Variants in EPM2A observed in about 807,000 individuals in gnomAD.
EPM2A encodes the protein laforin.
EPM2A carries 21 observed loss-of-function variants against 26.5 expected under a neutral mutation model. That is an observed-to-expected ratio of 0.79 (90% confidence interval 0.56 to 1.14). The LOEUF is 1.14. EPM2A is among the 50% of genes most tolerant of loss of function. EPM2A has a pLI of 0.00. For missense variants in EPM2A, 458 were observed against 440.8 expected (o/e 1.04, Z -0.35); for synonymous variants, 217 against 177.6 (o/e 1.22, Z -1.76).
chr6:145,518,593 A>G (rs759606993), intron 2 of EPM2A, among the ~76,000 whole-genome samples: 45 of 98,132 alleles, frequency 4.6e-4, no homozygotes, highest in Non-Finnish European at 7.8e-4. Flanking sequence ...TGTGAAATGC[A>G]CCAAAAAAAA....
chr6:145,402,027 A>G (rs185201165), intron 4 of EPM2A, among the ~76,000 whole-genome samples: 51 of 152,272 alleles, frequency 3.3e-4, no homozygotes, highest in Non-Finnish European at 6.3e-4. Flanking sequence ...AGAAAGAATT[A>G]TTAAATAGAT....
chr6:145,730,850 A>C (rs1015222873), intron 1 of EPM2A, among the ~76,000 whole-genome samples: 6 of 152,190 alleles, frequency 3.9e-5, no homozygotes, highest in African/African-American at 7.2e-5. Flanking sequence ...GCAACATGAA[A>C]GAGGAAACCT....
intron 1 of EPM2A, among the ~76,000 whole-genome samples, chr6:145,712,485 C>T (rs1775391353): frequency 5.3e-5 from 8 of 152,020 alleles, no homozygotes; most frequent in Admixed American, 5.3e-4. Flanking sequence ...CATGACTTTA[C>T]CAGTATGATC....
intron 2 of EPM2A, among the ~76,000 whole-genome samples, chr6:145,536,485 C>T (rs778627452): frequency 2.0e-5 from 3 of 151,930 alleles, no homozygotes; most frequent in Non-Finnish European, 4.4e-5. Flanking sequence ...TTAGTAGAGA[C>T]GGGGTCTCAC....
chr6:145,464,339 C>T (rs997779771), intron 4 of EPM2A, among the ~76,000 whole-genome samples: 1 of 152,096 alleles, frequency 6.6e-6, no homozygotes, highest in Non-Finnish European at 1.5e-5. Context: ...AACCTCTTTC[C>T]TTTATAAATT....
intron 1 of EPM2A, among the ~76,000 whole-genome samples, chr6:145,694,921 G>A (rs1193979976): frequency 6.6e-6 from 1 of 151,946 alleles, no homozygotes; most frequent in Admixed American, 6.6e-5. Context: ...TTATTAAAGT[G>A]AGTTCTTTAA....
In EPM2A at chr6:145,735,267, G is replaced by GCTCCGCCCCGTCCTGCGCCGC. The variant is rs2128649485; in HGVS notation, c.211_231dup (p.Ala71_Glu77dup). 2 of 1,514,672 alleles carry GCTCCGCCCCGTCCTGCGCCGC rather than the reference G, an allele frequency of 1.3e-6. No homozygotes were observed. The highest frequency in any genetic ancestry group is 1.4e-5 in the African/African-American group (1 of 69,782). The allele number at this position is 1,514,672 out of a possible 1,614,324, so 93.8% of individuals were successfully genotyped here. On this transcript the variant is annotated inframe_insertion, in exon 1 of 4. Coordinates refer to ENST00000367519, the MANE Select transcript of EPM2A (RefSeq NM_005670.4). ...TACCAGAACGTGTCCACGCGGCCCGGCTCCGCCCCGTCCTGCGCCGCCTCC... is the reference window on the plus strand; with the variant it reads ...TACCAGAACGTGTCCACGCGGCCCGGCTCCGCCCCGTCCTGCGCCGCCTCCGCCCCGTCCTGCGCCGCCTCC...
intron 4 of EPM2A, among the ~76,000 whole-genome samples, chr6:145,455,394 GTT>G (rs1779250839): frequency 6.6e-6 from 1 of 152,126 alleles, no homozygotes; most frequent in Non-Finnish European, 1.5e-5. Flanking sequence ...GTCTCACTCT[GTT>G]GCCCAGGCTA....
chr6:145,645,493 C>T (rs900047803), intron 2 of EPM2A, among the ~76,000 whole-genome samples: 11 of 152,030 alleles, frequency 7.2e-5, no homozygotes, highest in South Asian at 2.1e-4. Flanking sequence ...TTTTTGGAAA[C>T]GAGGTCTTGC....
chr6:145,707,934 C>T (rs2206142), intron 1 of EPM2A, among the ~76,000 whole-genome samples: 110,258 of 152,062 alleles, frequency 0.73, 40,522 homozygotes, highest in African/African-American at 0.82. Context: ...TGGAACTTCC[C>T]AGAGACTTGT....
intron 1 of EPM2A, among the ~76,000 whole-genome samples, chr6:145,729,432 T>C (rs538511597): frequency 6.6e-6 from 1 of 152,374 alleles, no homozygotes; most frequent in Non-Finnish European, 1.5e-5. Context: ...GGGGCAGAGA[T>C]GCCCATGGCC....
chr6:145,560,107 A>T (rs2114813353), intron 2 of EPM2A, among the ~76,000 whole-genome samples: 1 of 152,210 alleles, frequency 6.6e-6, no homozygotes, highest in Non-Finnish European at 1.5e-5. Flanking sequence ...CTGTGGGTAG[A>T]CCTGGGCCTC....
At chr6:145,421,791 G>A (rs1778787425) in intron 4 of EPM2A, among the ~76,000 whole-genome samples, 1 of 151,258 alleles carries the variant, frequency 6.6e-6, no homozygotes. Context: ...AAAAAAACAG[G>A]CTTTCAACAA....
chr6:145,684,679 A>C (rs565178269), intron 2 of EPM2A: 10 of 152,260 alleles, frequency 6.6e-5, no homozygotes, highest in African/African-American at 2.4e-4. Context: ...TCTGACATCA[A>C]ATCAATTTCC....
At chr6:145,442,504 A>G (rs74337726) in intron 4 of EPM2A, among the ~76,000 whole-genome samples, 11,891 of 152,264 alleles carry the variant, frequency 0.078, 488 homozygotes, top group Admixed American at 0.095. Flanking sequence ...TCTGCTTTAA[A>G]GAACCACCAG....
intron 2 of EPM2A, among the ~76,000 whole-genome samples, chr6:145,516,127 T>C (rs1252836795): frequency 1.3e-5 from 2 of 152,142 alleles, no homozygotes; most frequent in African/African-American, 4.8e-5. Context: ...ACAATAATTA[T>C]TGCCACCATG....
chr6:145,592,856 TAAAAAGAAGGAAAGCAC>T lies in EPM2A; in HGVS notation c.340+42372_340+42388del. Among the ~76,000 whole-genome samples the T allele has an allele frequency of 2.6e-5, 4 of 151,400 alleles. No individual in the cohort carries two copies. The East Asian group carries it at 5.8e-4, about 22-fold the overall frequency. On this transcript the variant is annotated intron_variant, in intron 2 of 3. Transcript: ENST00000450221. Reference sequence around the variant, plus strand: ...GGAATAATAATAATAAAGCCTCAAATAAAAAGAAGGAAAGCACAAAAAGAAGGTAAAAGATATAAATA... The same window carrying T: ...GGAATAATAATAATAAAGCCTCAAATAAAAAGAAGGTAAAAGATATAAATA...
intron 1 of EPM2A, among the ~76,000 whole-genome samples, chr6:145,732,406 A>G (rs1306040026): frequency 2.6e-5 from 2 of 76,654 alleles, no homozygotes; most frequent in African/African-American, 1.2e-4. Context: ...AGAAACACAC[A>G]CACACATATA....
intron 2 of EPM2A, among the ~76,000 whole-genome samples, chr6:145,561,647 G>A (rs930016060): frequency 3.3e-5 from 5 of 152,064 alleles, no homozygotes; most frequent in African/African-American, 9.7e-5. Context: ...TCTGTGACAC[G>A]TATCTTCTCT....
Sources: gnomAD v4.1 joint callset for allele counts (sites outside exome capture counted in the v4.1 genomes callset) on GRCh38, gnomAD v4.1.1 for gene constraint, MANE v1.5 for transcripts, NCBI Gene and HGNC (gene_info 2026-07-23, HGNC 2026-07-21) for gene names.